GCFC2: variants seen among roughly 807,000 people sequenced by gnomAD.
GCFC2 encodes the protein GC-rich sequence DNA-binding factor 2.
Under a neutral mutation model 99.4 loss-of-function variants are expected in GCFC2, and 102 were observed. That is an observed-to-expected ratio of 1.03 (90% CI 0.87 to 1.21). The LOEUF (loss-of-function observed/expected upper bound fraction) is 1.21. GCFC2 is among the 50% of genes most tolerant of loss of function. The pLI is 0.00. For synonymous variants in GCFC2, 338 were observed against 316.8 expected (o/e 1.07, Z -0.71); for missense variants, 973 against 920.9 (o/e 1.06, Z -0.73).
rs565656201 is a variant in GCFC2, at chr2:75,677,039, T to A, written c.1812+3154A>T. Among the ~76,000 whole-genome samples, 53 of 152,322 alleles carry A rather than the reference T, an allele frequency of 3.5e-4. 1 individual carries two copies. In the South Asian group the frequency reaches 0.011, roughly 31 times the overall value. On this transcript the variant is annotated intron_variant, in intron 12 of 16. Transcript: ENST00000321027. ...GCCCTACTGGCCATTATTTTTTAGGTTTACTTAAGCTTATATTTCCCCATT... is the reference window on the plus strand; with the variant it reads ...GCCCTACTGGCCATTATTTTTTAGGATTACTTAAGCTTATATTTCCCCATT...
intron 11 of GCFC2, among the ~76,000 whole-genome samples, chr2:75,684,554 T>C (rs1220121039): frequency 6.6e-6 from 1 of 152,252 alleles, no homozygotes; most frequent in African/African-American, 2.4e-5. Flanking sequence ...CATCCTAACA[T>C]CACAATTAAA....
chr2:75,697,529 C>A (rs1215539339), intron 4 of GCFC2: 1 of 152,266 alleles, frequency 6.6e-6, no homozygotes, highest in African/African-American at 2.4e-5. Flanking sequence ...CAGGACCCTG[C>A]ACAGAGTTCT....
chr2:75,705,209 T>G (rs1680789036), intron 2 of GCFC2, among the ~76,000 whole-genome samples: 1 of 152,228 alleles, frequency 6.6e-6, no homozygotes, highest in Non-Finnish European at 1.5e-5. Flanking sequence ...AACTGTTTAC[T>G]AGATTTCAGT....
rs1681150663 is a variant in GCFC2 at position 75,710,901 on chromosome 2, A to T, written c.-46T>A. The T allele has an allele frequency of 1.4e-6, 2 of 1,473,180 alleles. No homozygotes were observed. Among genetic ancestry groups the T allele is most frequent in the Non-Finnish European group, 1.8e-6 (2 of 1,119,980 alleles). 91.3% of individuals were successfully genotyped at this position (1,473,180 alleles called of 1,614,324 possible). A position where few individuals can be genotyped will look rare whatever the true frequency, so the allele number is the denominator to read the frequency against. ...GCGCCCTAGAACCCGCTGAACCGCA[A>T]GCCGCAGCTTCAGTGCCCGCCCCCT... On this transcript the variant is annotated 5_prime_UTR_variant, in exon 1 of 17. It adds an upstream start codon to the 5' untranslated region. Coordinates refer to ENST00000321027, the MANE Select transcript of GCFC2 (RefSeq NM_003203.5).
chr2:75,670,505 AATCT>A (rs1204586881), intron 14 of GCFC2: 1 of 375,570 alleles, frequency 2.7e-6, no homozygotes, highest in Non-Finnish European at 5.0e-6. Flanking sequence ...ACCATCCCCA[AATCT>A]ATCTCAAATA....
chr2:75,710,542 T>C (rs997879749), intron 1 of GCFC2, 49 bp downstream of exon 1: 3 of 1,452,914 alleles, frequency 2.1e-6, no homozygotes, highest in African/African-American at 1.5e-5. Flanking sequence ...CGCGGCCCCT[T>C]CCCGCCCTGT....
rs527662807 is a variant in GCFC2 at position 75,671,890 on chromosome 2, T to C, written c.1956+60A>G. On this transcript the variant is annotated intron_variant, in intron 14 of 16. Coordinates refer to ENST00000321027, the MANE Select transcript of GCFC2 (RefSeq NM_003203.5). ...TATAGAAGAAGTTTGTTGTTCTTTG[T>C]TCTATAGTAAACAGGATTTTTACAA... is the stretch of plus-strand genomic sequence containing the variant. 724 of 798,774 alleles carry C rather than the reference T, an allele frequency of 9.1e-4. 6 individuals are homozygous for C. The South Asian group carries it at 9.7e-3, about 11-fold the overall frequency. 49.5% of individuals were successfully genotyped at this position (798,774 alleles called of 1,614,324 possible). A position where few individuals can be genotyped will look rare whatever the true frequency, so the allele number is the denominator to read the frequency against.
At chr2:75,689,757 T>C (rs1679977265) in intron 9 of GCFC2, among the ~76,000 whole-genome samples, 1 of 152,180 alleles carries the variant, frequency 6.6e-6, no homozygotes, top group Non-Finnish European at 1.5e-5. Context: ...GAAAAAACTA[T>C]GAAGATGTAA....
chr2:75,695,028 C>T (rs1411395410), intron 5 of GCFC2, among the ~76,000 whole-genome samples: 1 of 151,802 alleles, frequency 6.6e-6, no homozygotes, highest in African/African-American at 2.4e-5. Flanking sequence ...AAATAAAAAA[C>T]CTAGTTAATA....
chr2:75,665,813 A>G, intron 16 of GCFC2, 116 bp downstream of exon 16: 3 of 607,450 alleles, frequency 4.9e-6, no homozygotes, highest in Non-Finnish European at 7.9e-6. Context: ...CTAACTCTAC[A>G]AAGTTTTAAC....
intron 11 of GCFC2, among the ~76,000 whole-genome samples, chr2:75,682,175 A>G (rs1679609227): frequency 6.6e-6 from 1 of 151,842 alleles, no homozygotes; most frequent in African/African-American, 2.4e-5. Flanking sequence ...AGGGGCCGAC[A>G]GACACCTCAC....
At chr2:75,704,682 T>C (rs1171926315) in intron 2 of GCFC2, among the ~76,000 whole-genome samples, 1 of 152,268 alleles carries the variant, frequency 6.6e-6, no homozygotes, top group African/African-American at 2.4e-5. Flanking sequence ...ATCCACCATC[T>C]TTTTTTGTTT....
At position 75,664,794 on chromosome 2, in the gene GCFC2, A is replaced by C; in HGVS notation, c.2229-11T>G. ...TCTTCGACTTCATCCCTGAAAAACA[A>C]AACAAATTTCTCCCTTTAAAAATGC... is the stretch of plus-strand genomic sequence containing the variant. On this transcript the variant is annotated splice_polypyrimidine_tract_variant and intron_variant, in intron 16 of 16. Transcript: ENST00000321027. The C allele has an allele frequency of 2.3e-6, 3 of 1,276,866 alleles. No individual in the cohort carries two copies. The highest frequency in any genetic ancestry group is 3.4e-6 in the Non-Finnish European group (3 of 880,246). 79.1% of individuals were successfully genotyped at this position (1,276,866 alleles called of 1,614,324 possible).
At chr2:75,697,805 A>C (rs1680399116) in intron 4 of GCFC2, 2 of 152,718 alleles carry the variant, frequency 1.3e-5, no homozygotes, top group South Asian at 2.1e-4. Flanking sequence ...ACAAGAGAAG[A>C]AGCAGATGTG....
chr2:75,664,740 CT>C lies in GCFC2; in HGVS notation c.2271del (p.Ala758LeufsTer2), dbSNP rs765610425. ...ATGAAGGATTCTGCTTGATTCAAAG[CT>C]TTTATTTTCACCAAAATAAGAATTA... ...EEIILILVKI[K>X]ALNQAESFIG... On this transcript the variant is annotated frameshift_variant, in exon 17 of 17. Transcript: ENST00000321027. LOFTEE classifies it high-confidence loss of function. 43 of 1,570,514 alleles carry C rather than the reference CT, an allele frequency of 2.7e-5. No individual in the cohort carries two copies. In the South Asian group the frequency reaches 4.7e-4, roughly 17 times the overall value.
intron 6 of GCFC2, among the ~76,000 whole-genome samples, chr2:75,693,313 G>A (rs567580462): frequency 2.0e-5 from 3 of 152,146 alleles, no homozygotes; most frequent in East Asian, 1.9e-4. Context: ...GGTGGTGCAC[G>A]CCTGTAGTCC....
At chr2:75,682,580 G>A (rs553314229) in intron 11 of GCFC2, among the ~76,000 whole-genome samples, 4 of 151,906 alleles carry the variant, frequency 2.6e-5, no homozygotes, top group African/African-American at 4.9e-5. Flanking sequence ...GAACAAAACC[G>A]GATGGAGAAT....
chr2:75,689,516 A>G (rs1035217364), intron 9 of GCFC2, among the ~76,000 whole-genome samples: 5 of 152,110 alleles, frequency 3.3e-5, no homozygotes, highest in African/African-American at 1.2e-4. Flanking sequence ...AACAACATCA[A>G]ATTTAGGGAG....
chr2:75,708,049 T>A (rs1345805637), intron 1 of GCFC2, among the ~76,000 whole-genome samples: 1 of 152,198 alleles, frequency 6.6e-6, no homozygotes, highest in Non-Finnish European at 1.5e-5. Context: ...GGAAAAGCAT[T>A]TGTGTGACTG....
Sources: allele counts gnomAD v4.1 joint callset (sites outside exome capture counted in the v4.1 genomes callset), GRCh38; gene constraint gnomAD v4.1.1; transcripts MANE v1.5; gene names NCBI Gene and HGNC (gene_info 2026-07-23, HGNC 2026-07-21).